The following GRIK5 variants were observed in gnomAD, a reference collection of about 807,000 sequenced individuals.
GRIK5 encodes the protein glutamate receptor ionotropic, kainate 5.
In GRIK5, 43 loss-of-function variants were observed where a neutral mutation model predicts 97.4. The observed-to-expected ratio is 0.44, with a 90% confidence interval of 0.35 to 0.57. The LOEUF is 0.57. Among genes scored for constraint, GRIK5 ranks in the 20% least tolerant of loss-of-function variants. The pLI is 0.01. For missense variants in GRIK5, 1,015 were observed against 1,382.0 expected (o/e 0.73, Z 4.21); for synonymous variants, 580 against 583.5 (o/e 0.99, Z 0.09).
At chr19:42,063,162 T>C in intron 3 of GRIK5, 1 of 492,840 alleles carries the variant, frequency 2.0e-6, no homozygotes, top group Admixed American at 2.3e-5. Context: ...CTGTGCCTAG[T>C]CCCTCAGCCA....
At chr19:42,052,542 C>T (rs1437071543) in intron 11 of GRIK5, among the ~76,000 whole-genome samples, 1 of 152,204 alleles carries the variant, frequency 6.6e-6, no homozygotes. Flanking sequence ...CGACTCACTG[C>T]TTTAGGTGGC....
At chr19:42,018,576 T>G (rs570832074) in intron 15 of GRIK5, among the ~76,000 whole-genome samples, 1 of 142,034 alleles carries the variant, frequency 7.0e-6, no homozygotes, top group South Asian at 2.2e-4. Flanking sequence ...GGAGAATCAC[T>G]TGATCCCGGG....
intron 12 of GRIK5, among the ~76,000 whole-genome samples, chr19:42,036,258 C>T (rs2146090977): frequency 1.3e-5 from 2 of 152,258 alleles, no homozygotes; most frequent in East Asian, 3.9e-4. Flanking sequence ...GATGGGGTTT[C>T]ACCATGTTGG....
At chr19:42,019,356 C>T (rs1366933226) in intron 15 of GRIK5, among the ~76,000 whole-genome samples, 1 of 152,198 alleles carries the variant, frequency 6.6e-6, no homozygotes, top group East Asian at 1.9e-4. Flanking sequence ...TCAGGGGACC[C>T]TTCTCTGACT....
At chr19:42,064,574 A>G (rs957906989) in intron 3 of GRIK5, among the ~76,000 whole-genome samples, 4 of 152,154 alleles carry the variant, frequency 2.6e-5, no homozygotes, top group African/African-American at 9.7e-5. Context: ...CATCAGCCAA[A>G]AAAGCCTGTG....
At chr19:42,061,191 G>A (rs1325611793) in intron 5 of GRIK5, among the ~76,000 whole-genome samples, 1 of 152,182 alleles carries the variant, frequency 6.6e-6, no homozygotes, top group Non-Finnish European at 1.5e-5. Context: ...GGCACTACAG[G>A]TGCCCGCCAC....
At chr19:42,019,500 C>T (rs2075671271) in intron 15 of GRIK5, among the ~76,000 whole-genome samples, 1 of 152,132 alleles carries the variant, frequency 6.6e-6, no homozygotes, top group Non-Finnish European at 1.5e-5. Context: ...CAGAATAGGC[C>T]CCGCCCACCA....
At chr19:42,051,997 G>A (rs905523530) in intron 11 of GRIK5, among the ~76,000 whole-genome samples, 1 of 152,126 alleles carries the variant, frequency 6.6e-6, no homozygotes, top group Non-Finnish European at 1.5e-5. Flanking sequence ...ACTGTGTCCA[G>A]GTCTATCTCC....
intron 12 of GRIK5, among the ~76,000 whole-genome samples, chr19:42,023,010 T>C (rs2075721098): frequency 1.3e-5 from 2 of 151,970 alleles, no homozygotes; most frequent in Non-Finnish European, 2.9e-5. Flanking sequence ...AGGACCCAGA[T>C]ACAAACCCAA....
rs562037444 is a variant in GRIK5 at position 42,002,070 on chromosome 19, A to G, written c.2514+1262T>C. 13 of 687,566 alleles carry G rather than the reference A, an allele frequency of 1.9e-5. No homozygotes were observed. The African/African-American group carries it at 2.3e-4, about 12-fold the overall frequency. 42.6% of individuals were successfully genotyped at this position (687,566 alleles called of 1,614,324 possible). ...GGATTGAGAGTGACTGGCTGTGCCGAAGCCCACTGCTACCTCATATACATG... is the reference window on the plus strand; with the variant it reads ...GGATTGAGAGTGACTGGCTGTGCCGGAGCCCACTGCTACCTCATATACATG... On this transcript the variant is annotated intron_variant, in intron 19 of 19. Transcript: ENST00000593562. The surrounding 1 kb of genome is among the most constrained non-coding windows in gnomAD (Gnocchi z 5.2).
chr19:42,065,535 C>A lies in GRIK5; in HGVS notation c.80-148G>T. ...TCTGAGGTTGGTGGGAGCTAGGGGT[C>A]TGGACTCCTGGGTCCTGGGGGAAGG... On this transcript the variant is annotated intron_variant, in intron 2 of 19. Transcript: ENST00000593562. This position sits in a 1 kb window ranked among gnomAD's most constrained non-coding sequence, Gnocchi z 5.8. The A allele has an allele frequency of 4.1e-6, 4 of 976,612 alleles. No homozygotes were observed. In the South Asian group the frequency reaches 5.0e-5, roughly 12 times the overall value. The allele number at this position is 976,612 out of a possible 1,614,324, so 60.5% of individuals were successfully genotyped here. A position where few individuals can be genotyped will look rare whatever the true frequency, so the allele number is the denominator to read the frequency against.
Position 42,021,094 on chromosome 19 carries a change from A to C in GRIK5, c.1871+207T>G, listed in dbSNP as rs1016401267. Among the ~76,000 whole-genome samples the C allele has an allele frequency of 3.2e-4, 49 of 152,184 alleles. 1 individual carries two copies. Among genetic ancestry groups the C allele is most frequent in the Non-Finnish European group, 2.2e-4 (15 of 68,034 alleles). Reference sequence around the variant, plus strand: ...TCTTTCAGGGAGGTCACTGAGGCAAAGGGAGGGTTGCGGTCTGGCCAAGCT... The same window carrying C: ...TCTTTCAGGGAGGTCACTGAGGCAACGGGAGGGTTGCGGTCTGGCCAAGCT... On this transcript the variant is annotated intron_variant, in intron 15 of 19. Coordinates refer to ENST00000593562, the MANE Select transcript of GRIK5 (RefSeq NM_002088.5). This position sits in a 1 kb window ranked among gnomAD's most constrained non-coding sequence, Gnocchi z 4.2.
intron 12 of GRIK5, among the ~76,000 whole-genome samples, chr19:42,029,187 C>T (rs770888830): frequency 4.6e-5 from 7 of 152,054 alleles, no homozygotes; most frequent in Non-Finnish European, 7.4e-5. Context: ...CCTGCCTCAC[C>T]CTTCCAAGTA....
In GRIK5 at chr19:42,042,820, G is replaced by GTCCGGGCTCC; in HGVS notation, c.1270-66_1270-65insGGAGCCCGGA. 1 of 1,287,212 alleles carries GTCCGGGCTCC rather than the reference G, an allele frequency of 7.8e-7. No individual in the cohort carries two copies. Among genetic ancestry groups the GTCCGGGCTCC allele is most frequent in the Non-Finnish European group, 1.1e-6 (1 of 906,446 alleles). The allele number at this position is 1,287,212 out of a possible 1,614,324, so 79.7% of individuals were successfully genotyped here. A position where few individuals can be genotyped will look rare whatever the true frequency, so the allele number is the denominator to read the frequency against. Reference sequence around the variant, plus strand: ...TCTAGTGGCTGGGTTGCGGATCCTGGAGCCCGGACCAGGCAGGTAGAGCAG... The same window carrying GTCCGGGCTCC: ...TCTAGTGGCTGGGTTGCGGATCCTGGTCCGGGCTCCAGCCCGGACCAGGCAGGTAGAGCAG... On this transcript the variant is annotated intron_variant, in intron 11 of 19. Transcript: ENST00000593562. This position sits in a 1 kb window ranked among gnomAD's most constrained non-coding sequence, Gnocchi z 6.9.
At chr19:42,029,587 CAAA>C (rs1004278436) in intron 12 of GRIK5, among the ~76,000 whole-genome samples, 16 of 152,032 alleles carry the variant, frequency 1.1e-4, no homozygotes, top group Non-Finnish European at 2.2e-4. Flanking sequence ...TCAAAACAAA[CAAA>C]AAAACCCTAG....
Position 42,003,185 on chromosome 19 carries a change from C to G in GRIK5, c.2514+147G>C. On this transcript the variant is annotated intron_variant, in intron 19 of 19. Transcript: ENST00000593562. This position sits in a 1 kb window ranked among gnomAD's most constrained non-coding sequence, Gnocchi z 4.2. The stretch of plus-strand genomic sequence containing the variant: ...CGCTGATTCTCTGGCCCCATCAGCT[C>G]TCTTACTTCCCCACCTCCTGCATTC... The G allele has an allele frequency of 1.4e-6, 1 of 707,458 alleles. No individual in the cohort carries two copies. The allele number at this position is 707,458 out of a possible 1,614,324, so 43.8% of individuals were successfully genotyped here.
chr19:42,025,748 C>T (rs1016602951), intron 12 of GRIK5, among the ~76,000 whole-genome samples: 2 of 152,138 alleles, frequency 1.3e-5, no homozygotes, highest in Non-Finnish European at 2.9e-5. Context: ...GTCTCTGCCT[C>T]CCAGGACACA....
At chr19:42,054,608 G>T in intron 8 of GRIK5, 136 bp from the exon 9 acceptor site, 1 of 948,088 alleles carries the variant, frequency 1.1e-6, no homozygotes, top group Non-Finnish European at 1.6e-6. Flanking sequence ...GGGTGGGTCA[G>T]GAGTGAGGAA....
intron 12 of GRIK5, among the ~76,000 whole-genome samples, chr19:42,030,058 T>C (rs2146075996): frequency 6.6e-6 from 1 of 152,362 alleles, no homozygotes; most frequent in South Asian, 2.1e-4. Context: ...GTTTTCTTTT[T>C]ACCCCTTAAG....
Sources: allele counts gnomAD v4.1 joint callset (sites outside exome capture counted in the v4.1 genomes callset), GRCh38; gene constraint gnomAD v4.1.1; non-coding constraint Gnocchi (gnomAD v3.1); transcripts MANE v1.5; gene names NCBI Gene and HGNC (gene_info 2026-07-23, HGNC 2026-07-21).